Variants in SDK2 observed in about 807,000 individuals in gnomAD.
The protein encoded by SDK2 is protein sidekick-2.
In SDK2, 105 loss-of-function variants were observed where a neutral mutation model predicts 253.9. That is an observed-to-expected ratio of 0.41 (90% confidence interval 0.35 to 0.49). The LOEUF (loss-of-function observed/expected upper bound fraction) is 0.49, where lower values mean the gene tolerates loss of function less well. Among genes scored for constraint, SDK2 ranks in the 20% least tolerant of loss-of-function variants. SDK2 has a pLI of 0.06. For synonymous variants in SDK2, 1,249 were observed against 1,234.9 expected (o/e 1.01, Z -0.24); for missense variants, 2,608 against 3,003.0 (o/e 0.87, Z 3.07).
At chr17:73,339,213 G>GTTTTTTTTGTTTTTTTTTTTT (rs1568356151) in intron 44 of SDK2, among the ~76,000 whole-genome samples, 1 of 127,610 alleles carries the variant, frequency 7.8e-6, no homozygotes, top group African/African-American at 2.8e-5. Context: ...GAAGACCTGA[G>GTTTTTTTTGTTTTTTTTTTTT]TTTTTTTTTG....
chr17:73,393,390 C>T (rs1425537964), intron 27 of SDK2, among the ~76,000 whole-genome samples, 170 bp downstream of exon 27: 1 of 152,144 alleles, frequency 6.6e-6, no homozygotes, highest in Non-Finnish European at 1.5e-5. Flanking sequence ...CTGTAATTAG[C>T]ATCCCCTGCA....
At chr17:73,506,144 C>T (rs1273266072) in intron 2 of SDK2, among the ~76,000 whole-genome samples, 1 of 152,218 alleles carries the variant, frequency 6.6e-6, no homozygotes, top group Non-Finnish European at 1.5e-5. Flanking sequence ...TTGAGCGTGT[C>T]CAAAGTCTAA....
intron 5 of SDK2, among the ~76,000 whole-genome samples, chr17:73,442,996 T>C (rs1337734756): frequency 6.6e-6 from 1 of 152,124 alleles, no homozygotes; most frequent in Non-Finnish European, 1.5e-5. Context: ...GCCTGATCCA[T>C]GGCTCCTGAA....
intron 1 of SDK2, among the ~76,000 whole-genome samples, chr17:73,523,639 A>G (rs904790296): frequency 2.0e-5 from 3 of 152,212 alleles, no homozygotes; most frequent in Non-Finnish European, 2.9e-5. Flanking sequence ...CTGCAGAGGG[A>G]GCGTGGCCTT....
intron 1 of SDK2, among the ~76,000 whole-genome samples, chr17:73,605,072 C>T (rs2143084245): frequency 6.6e-6 from 1 of 152,306 alleles, no homozygotes; most frequent in East Asian, 1.9e-4. Context: ...GGGGGCAAGG[C>T]CGTAAGAGGG....
intron 1 of SDK2, among the ~76,000 whole-genome samples, chr17:73,580,482 C>T (rs371020466): frequency 9.2e-5 from 14 of 152,358 alleles, no homozygotes; most frequent in Middle Eastern, 6.8e-3. Context: ...CTGGCTTCTC[C>T]GGAACACCGG....
intron 1 of SDK2, among the ~76,000 whole-genome samples, chr17:73,601,267 G>A (rs1019572723): frequency 7.9e-5 from 12 of 151,956 alleles, no homozygotes; most frequent in Admixed American, 2.6e-4. Flanking sequence ...TGATCCACCC[G>A]CCTCGGCCTC....
chr17:73,344,423 G>A (rs2062465240), intron 44 of SDK2, among the ~76,000 whole-genome samples: 1 of 152,190 alleles, frequency 6.6e-6, no homozygotes, highest in Admixed American at 6.5e-5. Context: ...CTGGGCAGCT[G>A]CACGAGGCCA....
chr17:73,513,604 C>G (rs573295635), intron 1 of SDK2: 4 of 152,314 alleles, frequency 2.6e-5, no homozygotes, highest in African/African-American at 9.6e-5. Flanking sequence ...AAGGAATTCA[C>G]CCTCCACAGA....
chr17:73,429,862 T>G (rs2063312294), intron 12 of SDK2, among the ~76,000 whole-genome samples: 1 of 152,108 alleles, frequency 6.6e-6, no homozygotes, highest in African/African-American at 2.4e-5. Context: ...CTTTTATACC[T>G]TTCTTGGCTG....
intron 2 of SDK2, among the ~76,000 whole-genome samples, chr17:73,505,499 CTCAATAGCTGGACCTCATCATCG>C (rs1289238256): frequency 2.3e-4 from 35 of 150,936 alleles, no homozygotes; most frequent in Middle Eastern, 3.4e-3. Context: ...CATCATCATC[CTCAATAGCTGGACCTCATCATCG>C]TCAATAGCTG....
intron 4 of SDK2, among the ~76,000 whole-genome samples, chr17:73,449,595 C>A (rs1393434101): frequency 7.1e-6 from 1 of 141,354 alleles, no homozygotes; most frequent in Non-Finnish European, 1.5e-5. Flanking sequence ...ATGATGCCCC[C>A]CCACCTCTTT....
Position 73,433,799 on chromosome 17 carries a change from A to G in SDK2, c.1245T>C (p.Asp415=), listed in dbSNP as rs2145615183. The G allele has an allele frequency of 1.2e-6, 2 of 1,603,944 alleles. No homozygotes were observed. Among genetic ancestry groups the G allele is most frequent in the Middle Eastern group, 1.7e-4 (1 of 6,030 alleles). The change falls in exon 10 of 45, where the codon GAT becomes GAC. Residue 415 remains aspartate, a synonymous_variant. Coordinates refer to ENST00000392650, the MANE Select transcript of SDK2 (RefSeq NM_001144952.2). ...CACATGCTAGCACCACTGACATGCC[A>G]TCGATCACCGTGCTGTCCAGGGGGC... The part of the protein sequence containing the change: ...TRGPLDSTVI[D]GMSVVLACET...
chr17:73,448,796 G>A (rs2063471906), intron 4 of SDK2, among the ~76,000 whole-genome samples: 1 of 151,964 alleles, frequency 6.6e-6, no homozygotes, highest in African/African-American at 2.4e-5. Flanking sequence ...GAGTAGCTGG[G>A]ATTACAGGTG....
chr17:73,382,998 C>T (rs2062843830), intron 33 of SDK2, among the ~76,000 whole-genome samples: 2 of 152,204 alleles, frequency 1.3e-5, no homozygotes, highest in Admixed American at 1.3e-4. Flanking sequence ...CATTACACTC[C>T]AGCCTGGGCA....
intron 1 of SDK2, among the ~76,000 whole-genome samples, chr17:73,631,534 C>T (rs938025455): frequency 1.3e-5 from 2 of 152,130 alleles, no homozygotes; most frequent in African/African-American, 2.4e-5. Flanking sequence ...GGTGGGCTGC[C>T]GGCCAGGAAC....
Position 73,402,069 on chromosome 17 carries a change from T to C in SDK2, c.2557A>G (p.Ile853Val). 4 of 1,614,020 alleles carry C rather than the reference T, an allele frequency of 2.5e-6. No homozygotes were observed. Among genetic ancestry groups the C allele is most frequent in the Non-Finnish European group, 3.4e-6 (4 of 1,179,888 alleles). Residue 853 changes from isoleucine (I) to valine (V), a missense_variant, in exon 19 of 45, where the codon ATC (isoleucine) becomes GTC (valine). Coordinates refer to ENST00000392650, the MANE Select transcript of SDK2 (RefSeq NM_001144952.2). ...VTARPNFQDS[I>V]HVGFVSGLKK... The stretch of plus-strand genomic sequence containing the variant: ...AGGCCAGACACGAAGCCCACGTGGA[T>C]GCTGTCTTGAAAGTTAGGCCGGGCG...
rs777125372 is a variant in SDK2, at chr17:73,358,152, G to A, written c.5520C>T (p.Ile1840=). The change falls in exon 40 of 45, where the codon ATC becomes ATT. Residue 1840 remains isoleucine (I), a synonymous_variant. Coordinates refer to ENST00000392650, the MANE Select transcript of SDK2 (RefSeq NM_001144952.2). ...VPIIVRYSSA[I]AIHWSSGDPG... The stretch of plus-strand genomic sequence containing the variant: ...GGTCTCCGCTGGACCAGTGAATGGC[G>A]ATGGCAGAGCTGTACCGCACGATGA... 19 of 1,613,046 alleles carry A rather than the reference G, an allele frequency of 1.2e-5. No homozygotes were observed. Among genetic ancestry groups the A allele is most frequent in the South Asian group, 5.5e-5 (5 of 91,046 alleles).
rs539720873 is a variant in SDK2 at position 73,406,901 on chromosome 17, G to A, written c.2485-4760C>T. Among the ~76,000 whole-genome samples the A allele has an allele frequency of 3.6e-4, 55 of 152,310 alleles. No individual in the cohort carries two copies. In the South Asian group the frequency reaches 3.7e-3, roughly 10 times the overall value. On this transcript the variant is annotated intron_variant, in intron 18 of 44. Transcript: ENST00000392650. ...AAGAATGGCAATAATTGGAAACTAC[G>A]TTCAGTAATCATAGTGTGGATATGA...
Sources: gnomAD v4.1 joint callset for allele counts (sites outside exome capture counted in the v4.1 genomes callset) on GRCh38, gnomAD v4.1.1 for gene constraint, MANE v1.5 for transcripts, NCBI Gene and HGNC (gene_info 2026-07-23, HGNC 2026-07-21) for gene names.